Variants in RNF182 observed in about 807,000 individuals in gnomAD.
RNF182 encodes the protein ring finger protein 182.
Under a neutral mutation model 14.4 loss-of-function variants are expected in RNF182, and 15 were observed. The observed-to-expected ratio is 1.04, with a 90% CI of 0.70 to 1.60. The LOEUF is 1.60. Among genes scored for constraint, RNF182 ranks in the 40% most tolerant of loss-of-function variants. The pLI is 0.00. For missense variants in RNF182, 268 were observed against 294.8 expected (o/e 0.91, Z 0.67); for synonymous variants, 128 against 122.9 (o/e 1.04, Z -0.27).
chr6:13,950,498 CTTTTTT>C lies in RNF182; in HGVS notation c.-366-23698_-366-23693del, dbSNP rs34765708. Among the ~76,000 whole-genome samples the C allele has an allele frequency of 4.1e-5, 5 of 121,934 alleles. No individual in the cohort carries two copies. The East Asian group carries it at 6.9e-4, about 17-fold the overall frequency. 80.0% of individuals were successfully genotyped at this position (121,934 alleles called of 152,430 possible). A position where few individuals can be genotyped will look rare whatever the true frequency, so the allele number is the denominator to read the frequency against. On this transcript the variant is annotated intron_variant, in intron 1 of 2. Transcript: ENST00000488300. ...TTTTATTTTTCTGACAAAACAGGTA[CTTTTTT>C]TTTTTTTTTTTTTGACAGAGTCCTG...
chr6:13,934,889 G>T (rs1759068399), intron 1 of RNF182, among the ~76,000 whole-genome samples: 1 of 152,192 alleles, frequency 6.6e-6, no homozygotes, highest in Non-Finnish European at 1.5e-5. Context: ...GAGCATTTCA[G>T]ACAGAATCAG....
At chr6:13,958,995 A>G (rs1012828102) in intron 1 of RNF182, among the ~76,000 whole-genome samples, 4 of 152,126 alleles carry the variant, frequency 2.6e-5, no homozygotes, top group Admixed American at 6.6e-5. Context: ...CTTGCTTCCT[A>G]TCTTGCCATG....
Position 13,976,997 on chromosome 6 carries a change from C to G in RNF182, c.-123C>G. The G allele has an allele frequency of 1.9e-6, 2 of 1,052,372 alleles. No homozygotes were observed. The highest frequency in any genetic ancestry group is 2.8e-6 in the Non-Finnish European group (2 of 722,058). 65.2% of individuals were successfully genotyped at this position (1,052,372 alleles called of 1,614,324 possible). A position where few individuals can be genotyped will look rare whatever the true frequency, so the allele number is the denominator to read the frequency against. On this transcript the variant is annotated 5_prime_UTR_variant, in exon 3 of 3. Coordinates refer to ENST00000488300, the MANE Select transcript of RNF182 (RefSeq NM_152737.4). ...CCTGGAAGATTTCTGGTTTCTTTCA[C>G]TACTTATCCTGCCTTTTTGCATCGC...
chr6:13,942,985 C>T (rs1256646672), intron 1 of RNF182, among the ~76,000 whole-genome samples: 2 of 152,132 alleles, frequency 1.3e-5, no homozygotes, highest in Non-Finnish European at 2.9e-5. Flanking sequence ...CAGAGTTCTG[C>T]AACCAGAGAA....
chr6:13,935,991 A>C lies in RNF182; in HGVS notation c.-367+10968A>C, dbSNP rs180791056. On this transcript the variant is annotated intron_variant, in intron 1 of 2. Transcript: ENST00000488300. Reference sequence around the variant, plus strand: ...TTGGGGAGGCCTCAGGAAACTTAACAATCATGGCACAAGGCCAAGGGAAAA... The same window carrying C: ...TTGGGGAGGCCTCAGGAAACTTAACCATCATGGCACAAGGCCAAGGGAAAA... Among the ~76,000 whole-genome samples, 123 of 152,338 alleles carry C rather than the reference A, an allele frequency of 8.1e-4. 1 individual carries two copies. The highest frequency in any genetic ancestry group is 7.4e-3 in the Admixed American group (114 of 15,310).
chr6:13,938,633 G>A (rs972604469), intron 1 of RNF182, among the ~76,000 whole-genome samples: 2 of 152,104 alleles, frequency 1.3e-5, no homozygotes, highest in African/African-American at 4.8e-5. Flanking sequence ...AGGGTGTGAG[G>A]TAAGGGTCAA....
chr6:13,928,246 A>G (rs148708789), intron 1 of RNF182, among the ~76,000 whole-genome samples: 27 of 152,292 alleles, frequency 1.8e-4, no homozygotes, highest in African/African-American at 6.5e-4. Flanking sequence ...TTCAAGATAA[A>G]CGATTGTTTT....
chr6:13,950,070 C>T (rs573025170), intron 1 of RNF182, among the ~76,000 whole-genome samples: 1 of 152,298 alleles, frequency 6.6e-6, no homozygotes, highest in East Asian at 1.9e-4. Flanking sequence ...TTCTCACATT[C>T]CCATGTCTTT....
At chr6:13,957,072 A>G (rs906407305) in intron 1 of RNF182, among the ~76,000 whole-genome samples, 1 of 152,228 alleles carries the variant, frequency 6.6e-6, no homozygotes, top group African/African-American at 2.4e-5. Context: ...GAGTGACTCC[A>G]TCTTGCATAG....
At chr6:13,946,183 T>TTATTC (rs1266055645) in intron 1 of RNF182, among the ~76,000 whole-genome samples, 2 of 35,890 alleles carry the variant, frequency 5.6e-5, no homozygotes, top group African/African-American at 1.7e-4. Context: ...TATTATTATT[T>TTATTC]TGAGATAGAG....
chr6:13,963,449 G>A (rs575580668), intron 1 of RNF182, among the ~76,000 whole-genome samples: 1 of 152,308 alleles, frequency 6.6e-6, no homozygotes, highest in African/African-American at 2.4e-5. Flanking sequence ...ATTGGTTCAT[G>A]AGTCTGTGGC....
chr6:13,975,004 A>G (rs1760288387), intron 2 of RNF182, among the ~76,000 whole-genome samples: 1 of 152,138 alleles, frequency 6.6e-6, no homozygotes, highest in Non-Finnish European at 1.5e-5. Context: ...AACAAATGAC[A>G]TGTTCCATTT....
chr6:13,958,476 G>C (rs1369423950), intron 1 of RNF182, among the ~76,000 whole-genome samples: 1 of 152,120 alleles, frequency 6.6e-6, no homozygotes, highest in Admixed American at 6.5e-5. Context: ...ACAAAGTGCT[G>C]ACTTCACCAC....
Position 13,978,953 on chromosome 6 carries a change from G to C in RNF182, c.*1090G>C, listed in dbSNP as rs13196321. On this transcript the variant is annotated 3_prime_UTR_variant, in exon 3 of 3. Transcript: ENST00000488300. ...AGCTGTACCAAAATATGATGGTTTA[G>C]GTTTATGTGCAAGACTTTGTGTTGT... 1 of 167,052 alleles carries C rather than the reference G, an allele frequency of 6.0e-6. No individual in the cohort carries two copies. Among genetic ancestry groups the C allele is most frequent in the Admixed American group, 6.5e-5 (1 of 15,282 alleles). 10.3% of individuals were successfully genotyped at this position (167,052 alleles called of 1,614,324 possible). A position where few individuals can be genotyped will look rare whatever the true frequency, so the allele number is the denominator to read the frequency against.
At chr6:13,953,514 A>G (rs1336190217) in intron 1 of RNF182, among the ~76,000 whole-genome samples, 1 of 152,142 alleles carries the variant, frequency 6.6e-6, no homozygotes, top group Non-Finnish European at 1.5e-5. Flanking sequence ...GCATGCAGGG[A>G]ACAGAGTGGA....
rs575764180 is a variant in RNF182 at position 13,977,746 on chromosome 6, C to T, written c.627C>T (p.Val209=). 4.3e-6 allele frequency: 7 copies of T among 1,614,146 alleles called. No homozygotes were observed. The South Asian group carries it at 5.5e-5, about 13-fold the overall frequency. The change falls in exon 3 of 3, where the codon GTC becomes GTT. Residue 209 remains valine (V), a synonymous_variant. Transcript: ENST00000488300. ...LGIYLLVSKK[V]TLGVVFVSLV... ...TCTACTTACTGGTGTCTAAGAAAGT[C>T]ACCCTTGGGGTCGTCTTTGTCAGCC... is the stretch of plus-strand genomic sequence containing the variant.
chr6:13,949,166 A>G lies in RNF182; in HGVS notation c.-367+24143A>G, dbSNP rs2113610786. On this transcript the variant is annotated intron_variant, in intron 1 of 2. Coordinates refer to ENST00000488300, the MANE Select transcript of RNF182 (RefSeq NM_152737.4). ...TCTTATAGCCCCTGAATATTTTGGC[A>G]TCTTCAGCCTACCAAAACTGTGTGT... 6.3e-6 allele frequency: 5 copies of G among 795,538 alleles called. No homozygotes were observed. In the East Asian group the frequency reaches 7.3e-5, roughly 12 times the overall value. 49.3% of individuals were successfully genotyped at this position (795,538 alleles called of 1,614,324 possible).
intron 1 of RNF182, among the ~76,000 whole-genome samples, chr6:13,945,949 T>C (rs1434528136): frequency 6.6e-6 from 1 of 152,046 alleles, no homozygotes; most frequent in Non-Finnish European, 1.5e-5. Context: ...AGGGTGGCTA[T>C]TCCATAGAGA....
chr6:13,956,702 T>G (rs1759742579), intron 1 of RNF182, among the ~76,000 whole-genome samples: 1 of 152,102 alleles, frequency 6.6e-6, no homozygotes, highest in African/African-American at 2.4e-5. Context: ...GTGTCGTAAG[T>G]TTCACTTCTT....
Sources: gnomAD v4.1 joint callset for allele counts (sites outside exome capture counted in the v4.1 genomes callset) on GRCh38, gnomAD v4.1.1 for gene constraint, MANE v1.5 for transcripts, NCBI Gene and HGNC (gene_info 2026-07-23, HGNC 2026-07-21) for gene names.